RIC3: variants seen among roughly 807,000 people sequenced by gnomAD.
The protein encoded by RIC3 is RIC3 acetylcholine receptor chaperone.
A neutral mutation model predicts 27.3 loss-of-function variants in RIC3; 28 were observed. The observed-to-expected ratio is 1.02, with a 90% CI of 0.76 to 1.41. The LOEUF (loss-of-function observed/expected upper bound fraction) is 1.41. Ranked by LOEUF, RIC3 falls within the 40% of genes most tolerant of loss-of-function variation. The pLI, the probability that RIC3 is intolerant of heterozygous loss-of-function variation, is 0.00. For missense variants in RIC3, 501 were observed against 444.7 expected (o/e 1.13, Z -1.14); for synonymous variants, 184 against 160.4 (o/e 1.15, Z -1.11).
At chr11:8,097,581 C>A in the RIC3 span, 1 of 1,324,546 alleles carries the variant, frequency 7.5e-7, no homozygotes, top group Non-Finnish European at 1.1e-6. Flanking sequence ...TTGTGTTTTC[C>A]AGTGCATTTG....
Position 8,140,174 on chromosome 11 carries a change from T to C in RIC3, c.144A>G (p.Pro48=). 1 of 1,611,850 alleles carries C rather than the reference T, an allele frequency of 6.2e-7. No individual in the cohort carries two copies. Among genetic ancestry groups the C allele is most frequent in the Non-Finnish European group, 8.5e-7 (1 of 1,179,240 alleles). Residue 48 remains proline, a synonymous_variant, in exon 2 of 6, where the codon CCA becomes CCG. Coordinates refer to ENST00000309737, the MANE Select transcript of RIC3 (RefSeq NM_001206671.4). The part of the protein sequence containing the change: ...PTPEGKLGRF[P]PMMHHHQAPS... ...GTGCCTGGTGATGATGCATCATAGG[T>C]GGAAATCGGCCCAATTTTCCTGAGA...
the RIC3 span, chr11:8,100,574 T>C: frequency 1.1e-5 from 17 of 1,614,126 alleles, no homozygotes; most frequent in Admixed American, 1.0e-4. Context: ...ACATGGTTCA[T>C]GAGAGAGTCT....
chr11:8,118,527 TAAAAAAAAAAAAAAA>T (rs11378233), intron 5 of RIC3, among the ~76,000 whole-genome samples: 3 of 66,680 alleles, frequency 4.5e-5, no homozygotes, highest in Non-Finnish European at 8.3e-5. Context: ...GCCATAATTG[TAAAAAAAAAAAAAAA>T]AAAAAAAAAA....
chr11:8,147,724 A>ATTTT (rs900780947), intron 1 of RIC3, among the ~76,000 whole-genome samples: 28 of 124,512 alleles, frequency 2.2e-4, no homozygotes, highest in Non-Finnish European at 2.7e-4. Context: ...CTTGCGTAAG[A>ATTTT]TTTTTTTTTT....
At chr11:8,142,401 C>G (rs1402532374) in intron 1 of RIC3, among the ~76,000 whole-genome samples, 3 of 151,542 alleles carry the variant, frequency 2.0e-5, no homozygotes, top group Non-Finnish European at 4.4e-5. Context: ...ACAAACACCT[C>G]TACGCAAAAA....
intron 1 of RIC3, among the ~76,000 whole-genome samples, chr11:8,152,920 A>G (rs1295897713): frequency 9.2e-5 from 14 of 152,160 alleles, no homozygotes; most frequent in Non-Finnish European, 1.9e-4. Context: ...CTGTCTTTAT[A>G]TAGAGTTGAT....
At chr11:8,096,731 G>C in the RIC3 span, 1 of 1,614,078 alleles carries the variant, frequency 6.2e-7, no homozygotes, top group Non-Finnish European at 8.5e-7. Flanking sequence ...AGGATGAGGA[G>C]GAGAATAGCT....
At position 8,108,059 on chromosome 11, in the gene RIC3, A is replaced by G. The variant is rs539841185; in HGVS notation, c.*2639T>C. 6.4e-4 allele frequency: 97 copies of G among 152,370 alleles called. No homozygotes were observed. Among genetic ancestry groups the G allele is most frequent in the African/African-American group, 2.3e-3 (97 of 41,580 alleles). 9.4% of individuals were successfully genotyped at this position (152,370 alleles called of 1,614,324 possible). A position where few individuals can be genotyped will look rare whatever the true frequency, so the allele number is the denominator to read the frequency against. Reference sequence around the variant, plus strand: ...TCCTAAATAACTGAAAGGTACATCCAAATGTCTGATATATAAATACACAAA... The same window carrying G: ...TCCTAAATAACTGAAAGGTACATCCGAATGTCTGATATATAAATACACAAA... On this transcript the variant is annotated 3_prime_UTR_variant, in exon 6 of 6. Transcript: ENST00000309737.
At chr11:8,146,302 T>C (rs796924244) in intron 1 of RIC3, among the ~76,000 whole-genome samples, 29 of 152,320 alleles carry the variant, frequency 1.9e-4, no homozygotes, top group African/African-American at 6.0e-4. Context: ...AATAACATTA[T>C]GCAGGTTGAA....
the RIC3 span, among the ~76,000 whole-genome samples, chr11:8,098,097 A>G: frequency 2.6e-5 from 4 of 152,044 alleles, no homozygotes; most frequent in Non-Finnish European, 5.9e-5. Context: ...CCAGGGTGTC[A>G]CTGATAACGC....
chr11:8,133,881 A>G (rs929110949), intron 4 of RIC3, among the ~76,000 whole-genome samples: 19 of 152,198 alleles, frequency 1.2e-4, no homozygotes, highest in African/African-American at 4.6e-4. Context: ...ACAGTAAATA[A>G]TAATGAGAAA....
chr11:8,142,642 A>G (rs1949205041), intron 1 of RIC3, among the ~76,000 whole-genome samples: 1 of 145,162 alleles, frequency 6.9e-6, no homozygotes, highest in Non-Finnish European at 1.5e-5. Flanking sequence ...ACTCCAATCA[A>G]TAGAAAAAGA....
At chr11:8,130,100 G>C (rs1307080041) in intron 4 of RIC3, among the ~76,000 whole-genome samples, 2 of 151,906 alleles carry the variant, frequency 1.3e-5, no homozygotes, top group African/African-American at 4.8e-5. Flanking sequence ...CTCTTATCTG[G>C]TTAGTAGTTT....
intron 1 of RIC3, chr11:8,153,427 C>A: frequency 2.2e-6 from 1 of 452,132 alleles, no homozygotes; most frequent in Non-Finnish European, 4.4e-6. Context: ...TAGTTTTCTG[C>A]AATACAAAAA....
In RIC3 at chr11:8,117,497, A is replaced by G. The variant is rs115482841; in HGVS notation, c.671-6360T>C. Among the ~76,000 whole-genome samples the G allele has an allele frequency of 2.7e-3, 406 of 152,384 alleles. 2 individuals carry two copies. The highest frequency in any genetic ancestry group is 9.4e-3 in the African/African-American group (393 of 41,596). On this transcript the variant is annotated intron_variant, in intron 5 of 5. Coordinates refer to ENST00000309737, the MANE Select transcript of RIC3 (RefSeq NM_001206671.4). The stretch of plus-strand genomic sequence containing the variant: ...GATTTCACTTACATATGGAGTGTAA[A>G]AAGGTCAAGCTCATTAAGAAAATAA...
rs1029417504 is a variant in RIC3, at chr11:8,106,793, G to A, written c.*3905C>T. The stretch of plus-strand genomic sequence containing the variant: ...AAAGCTAATGGTCTGACCCAGACAA[G>A]AGGTTATAACTAAAGGCACCCGGAG... On this transcript the variant is annotated 3_prime_UTR_variant, in exon 6 of 6. Coordinates refer to ENST00000309737, the MANE Select transcript of RIC3 (RefSeq NM_001206671.4). The A allele has an allele frequency of 6.6e-6, 1 of 152,252 alleles. No homozygotes were observed. The highest frequency in any genetic ancestry group is 2.4e-5 in the African/African-American group (1 of 41,462). 9.4% of individuals were successfully genotyped at this position (152,252 alleles called of 1,614,324 possible). A position where few individuals can be genotyped will look rare whatever the true frequency, so the allele number is the denominator to read the frequency against.
downstream of RIC3, chr11:8,105,808 C>G (rs190367788): frequency 2.0e-5 from 3 of 152,236 alleles, no homozygotes; most frequent in East Asian, 1.9e-4. Context: ...CCTCCCTCCC[C>G]CTAGCAAGGT....
chr11:8,097,561 G>A, the RIC3 span: 153 of 1,364,028 alleles, frequency 1.1e-4, 1 homozygote, highest in Non-Finnish European at 1.0e-5. Flanking sequence ...TGTCTGGTCT[G>A]TGCACATCTT....
At chr11:8,128,263 T>C (rs1450795257) in intron 4 of RIC3, 1 of 457,388 alleles carries the variant, frequency 2.2e-6, no homozygotes, top group Non-Finnish European at 4.4e-6. Context: ...ACATGTTACT[T>C]TTCCAGACTG....
Sources: allele counts gnomAD v4.1 joint callset (sites outside exome capture counted in the v4.1 genomes callset), GRCh38; gene constraint gnomAD v4.1.1; transcripts MANE v1.5; gene names NCBI Gene and HGNC (gene_info 2026-07-23, HGNC 2026-07-21).